The following ZNF230 variants were observed in gnomAD, a reference collection of about 807,000 sequenced individuals.
The protein encoded by ZNF230 is zinc finger protein FDZF2.
A neutral mutation model predicts 10.0 loss-of-function variants in ZNF230; 12 were observed. That is an observed-to-expected ratio of 1.20 (90% confidence interval 0.77 to 1.95). The LOEUF is 1.95. Ranked by LOEUF, ZNF230 falls within the 30% of genes most tolerant of loss-of-function variation. The pLI, the probability that ZNF230 is intolerant of heterozygous loss-of-function variation, is 0.00. For missense variants in ZNF230, 532 were observed against 565.8 expected (o/e 0.94, Z 0.61); for synonymous variants, 174 against 193.6 (o/e 0.90, Z 0.84).
At chr19:44,008,472 G>C (rs427608) in intron 2 of ZNF230, among the ~76,000 whole-genome samples, 23,679 of 152,150 alleles carry the variant, frequency 0.16, 2,302 homozygotes, top group East Asian at 0.46. Flanking sequence ...AGACTGAATT[G>C]CTCATTGTTG....
chr19:44,008,732 C>T (rs1976144208), intron 2 of ZNF230, 58 bp from the exon 3 acceptor site: 2 of 1,587,944 alleles, frequency 1.3e-6, no homozygotes, highest in South Asian at 1.1e-5. Context: ...CTCAATGCTG[C>T]TCCTCCCCCA....
chr19:44,004,872 C>G (rs1026606401), intron 1 of ZNF230: 2 of 151,770 alleles, frequency 1.3e-5, no homozygotes, highest in African/African-American at 4.8e-5. Context: ...AATCCCAGCA[C>G]TTTGGGAGGC....
chr19:44,003,517 C>T (rs1171610753), intron 1 of ZNF230: 1 of 152,208 alleles, frequency 6.6e-6, no homozygotes, highest in Non-Finnish European at 1.5e-5. Context: ...TGCAGGGGCC[C>T]TGGTCCTTCT....
chr19:44,008,025 C>T (rs1302727241), intron 2 of ZNF230, among the ~76,000 whole-genome samples: 1 of 152,300 alleles, frequency 6.6e-6, no homozygotes, highest in East Asian at 1.9e-4. Context: ...GCCTATGATC[C>T]ACTGTGAGCC....
chr19:44,013,191 G>A lies in ZNF230; in HGVS notation c.*1727G>A, dbSNP rs1250449991. ...TTGATATAATGGCCTTCTAATTGTG[G>A]TAGCATTTATTTTATCAAACAACTC... On this transcript the variant is annotated 3_prime_UTR_variant, in exon 5 of 5. Coordinates refer to ENST00000429154, the MANE Select transcript of ZNF230 (RefSeq NM_006300.4). 2 of 152,148 alleles carry A rather than the reference G, an allele frequency of 1.3e-5. No individual in the cohort carries two copies. Among genetic ancestry groups the A allele is most frequent in the Non-Finnish European group, 2.9e-5 (2 of 68,030 alleles). 9.4% of individuals were successfully genotyped at this position (152,148 alleles called of 1,614,324 possible). A position where few individuals can be genotyped will look rare whatever the true frequency, so the allele number is the denominator to read the frequency against.
chr19:44,013,674 TAATC>T lies in ZNF230; in HGVS notation c.*2213_*2216del, dbSNP rs1371849623. On this transcript the variant is annotated 3_prime_UTR_variant, in exon 5 of 5. Transcript: ENST00000429154. Reference sequence around the variant, plus strand: ...AAATCTGACTGTAACCTTCATAACATAATCAAATATCTTTGTGTGTTTCTGGGAC... The same window carrying T: ...AAATCTGACTGTAACCTTCATAACATAAATATCTTTGTGTGTTTCTGGGAC... 2 of 152,178 alleles carry T rather than the reference TAATC, an allele frequency of 1.3e-5. No individual in the cohort carries two copies. Among genetic ancestry groups the T allele is most frequent in the East Asian group, 3.8e-4 (2 of 5,200 alleles). The allele number at this position is 152,178 out of a possible 1,614,324, so 9.4% of individuals were successfully genotyped here. A position where few individuals can be genotyped will look rare whatever the true frequency, so the allele number is the denominator to read the frequency against.
intron 4 of ZNF230, 96 bp downstream of exon 4, chr19:44,009,266 G>T: frequency 7.4e-7 from 1 of 1,352,022 alleles, no homozygotes. Context: ...GATCTAAATT[G>T]CCCAATCTCT....
Position 44,010,383 on chromosome 19 carries a change from A to T in ZNF230, c.344A>T (p.His115Leu). 2 of 1,613,522 alleles carry T rather than the reference A, an allele frequency of 1.2e-6. No homozygotes were observed. Among genetic ancestry groups the T allele is most frequent in the Non-Finnish European group, 8.5e-7 (1 of 1,179,432 alleles). Residue 115 changes from histidine (H) to leucine (L), a missense_variant, in exon 5 of 5, where the codon CAC (histidine) becomes CTC (leucine). By Grantham distance (99) the His-to-Leu change is moderately conservative (BLOSUM62 -3). Coordinates refer to ENST00000429154, the MANE Select transcript of ZNF230 (RefSeq NM_006300.4). ...CAAGACTCCATCATAAATAATTCTC[A>T]CTTCTTTGAACAAGGTGATGTCCCC... ...QSQDSIINNS[H>L]FFEQGDVPSQ...
intron 1 of ZNF230, among the ~76,000 whole-genome samples, chr19:44,005,913 A>G (rs773774197): frequency 5.3e-5 from 8 of 152,124 alleles, no homozygotes; most frequent in Non-Finnish European, 1.0e-4. Flanking sequence ...TAAAGTCCTT[A>G]TGACTGTGTC....
chr19:44,006,854 A>T, intron 1 of ZNF230, 157 bp from the exon 2 acceptor site: 1 of 404,836 alleles, frequency 2.5e-6, no homozygotes, highest in Middle Eastern at 6.1e-4. Flanking sequence ...TGATTTTTCT[A>T]TCCATTTACC....
intron 1 of ZNF230, among the ~76,000 whole-genome samples, chr19:44,006,091 C>T (rs1191613632): frequency 2.0e-5 from 3 of 151,102 alleles, no homozygotes; most frequent in Non-Finnish European, 4.4e-5. Flanking sequence ...GAAAGATGTT[C>T]ATTTGGAGTT....
In ZNF230 at chr19:44,009,113, C is replaced by G; in HGVS notation, c.172C>G (p.Leu58Val). The G allele has an allele frequency of 1.9e-6, 3 of 1,614,140 alleles. No homozygotes were observed. Among genetic ancestry groups the G allele is most frequent in the Non-Finnish European group, 2.5e-6 (3 of 1,180,012 alleles). ...TCAACCATTCCACCCTTTCCACTTC[C>G]TAAGGGAAGAAAAGTTTTGGATGAT... ...GHQPFHPFHF[L>V]REEKFWMMET... The change falls in exon 4 of 5, where the codon CTA becomes GTA. Residue 58 changes from leucine (L) to valine (V), a missense_variant. Transcript: ENST00000429154.
At chr19:44,009,023 T>A (rs1008920975) in intron 3 of ZNF230, 61 bp from the exon 4 acceptor site, 12 of 1,605,472 alleles carry the variant, frequency 7.5e-6, no homozygotes, top group Non-Finnish European at 1.0e-5. Flanking sequence ...TTCCAGTAAA[T>A]TTTACCTTGA....
Position 44,010,309 on chromosome 19 carries a change from C to T in ZNF230, c.270C>T (p.Cys90=). The T allele has an allele frequency of 6.2e-7, 1 of 1,613,240 alleles. No individual in the cohort carries two copies. Among genetic ancestry groups the T allele is most frequent in the East Asian group, 2.2e-5 (1 of 44,888 alleles). The change falls in exon 5 of 5, where the codon TGC becomes TGT. Residue 90 remains cysteine (C), a synonymous_variant. Transcript: ENST00000429154. ...TIAEAGPHED[C]PCQQIWEQTA... The stretch of plus-strand genomic sequence containing the variant: ...CGGAAGCAGGACCACATGAAGACTG[C>T]CCTTGCCAGCAAATCTGGGAACAAA...
Position 44,010,631 on chromosome 19 carries a change from T to A in ZNF230, c.592T>A (p.Cys198Ser). ...TCACTTGAGAGAGAAACTCTCTAAG[T>A]GTGACATGCGTGGTAAGGAATTCAG... Reference protein sequence around the residue: ...RVHLREKLSKCDMRGKEFSQS... With the variant: ...RVHLREKLSKSDMRGKEFSQS... The change falls in exon 5 of 5, where the codon TGT becomes AGT. Residue 198 changes from cysteine (C) to serine (S), a missense_variant. Cys to Ser is a moderately radical substitution (Grantham distance 112). Coordinates refer to ENST00000429154, the MANE Select transcript of ZNF230 (RefSeq NM_006300.4). 1 of 1,614,234 alleles carries A rather than the reference T, an allele frequency of 6.2e-7. No individual in the cohort carries two copies. Among genetic ancestry groups the A allele is most frequent in the East Asian group, 2.2e-5 (1 of 44,890 alleles).
Position 44,011,964 on chromosome 19 carries a change from T to C in ZNF230, c.*500T>C, listed in dbSNP as rs567221090. 5 of 182,036 alleles carry C rather than the reference T, an allele frequency of 2.7e-5. No homozygotes were observed. In the South Asian group the frequency reaches 5.6e-4, roughly 20 times the overall value. The allele number at this position is 182,036 out of a possible 1,614,324, so 11.3% of individuals were successfully genotyped here. On this transcript the variant is annotated 3_prime_UTR_variant, in exon 5 of 5. Coordinates refer to ENST00000429154, the MANE Select transcript of ZNF230 (RefSeq NM_006300.4). ...ATTGTGTATATATGCCACCTTTTCT[T>C]CATTTATCTATTGATGGACACATAG... is the stretch of plus-strand genomic sequence containing the variant.
At chr19:44,008,279 A>T (rs373905236) in intron 2 of ZNF230, among the ~76,000 whole-genome samples, 60 of 152,384 alleles carry the variant, frequency 3.9e-4, no homozygotes, top group African/African-American at 1.3e-3. Context: ...AGGACACTGC[A>T]TAACTAGCAC....
Position 44,011,593 on chromosome 19 carries a change from C to A in ZNF230, c.*129C>A. 9.8e-7 allele frequency: 1 copy of A among 1,020,844 alleles called. No individual in the cohort carries two copies. Among genetic ancestry groups the A allele is most frequent in the Non-Finnish European group, 1.4e-6 (1 of 720,606 alleles). 63.2% of individuals were successfully genotyped at this position (1,020,844 alleles called of 1,614,324 possible). A position where few individuals can be genotyped will look rare whatever the true frequency, so the allele number is the denominator to read the frequency against. On this transcript the variant is annotated 3_prime_UTR_variant, in exon 5 of 5. Transcript: ENST00000429154. The stretch of plus-strand genomic sequence containing the variant: ...TCTTTGTTTTGGGAAAATTCAAAAT[C>A]CATTGTTCTAGCGATTTGAAAAGAA...
chr19:44,009,061 C>A (rs1273393854), intron 3 of ZNF230, 23 bp from the exon 4 acceptor site: 2 of 1,612,766 alleles, frequency 1.2e-6, no homozygotes, highest in South Asian at 2.2e-5. Context: ...TGGTATTAAG[C>A]ACATGACTTT....
Sources: gnomAD v4.1 joint callset for allele counts (sites outside exome capture counted in the v4.1 genomes callset) on GRCh38, gnomAD v4.1.1 for gene constraint, MANE v1.5 for transcripts, NCBI Gene and HGNC (gene_info 2026-07-23, HGNC 2026-07-21) for gene names.